The following GLB1L2 variants were observed in gnomAD, a reference collection of about 807,000 sequenced individuals.
The protein encoded by GLB1L2 is galactosidase beta 1 like 2.
In GLB1L2, 68 loss-of-function variants were observed where a neutral mutation model predicts 84.1. The observed-to-expected ratio is 0.81, with a 90% CI of 0.67 to 0.99. The LOEUF (loss-of-function observed/expected upper bound fraction) is 0.99. Among genes scored for constraint, GLB1L2 ranks in the 50% least tolerant of loss-of-function variants. The pLI is 0.00. For missense variants in GLB1L2, 762 were observed against 805.6 expected, an observed-to-expected ratio of 0.95 and a Z score of 0.66; for synonymous variants, 290 against 318.0, an observed-to-expected ratio of 0.91 and a Z score of 0.94.
chr11:134,370,099 G>C lies in GLB1L2; in HGVS notation c.1109-194G>C, dbSNP rs189686155. Among the ~76,000 whole-genome samples, 2 of 152,108 alleles carry C rather than the reference G, an allele frequency of 1.3e-5. No homozygotes were observed. Among genetic ancestry groups the C allele is most frequent in the African/African-American group, 4.8e-5 (2 of 41,432 alleles). ...ACGCTCCTTATCTCCTGTGGAGGAC[G>C]GGAGAACGCCCTGGCTTTCCCCCAG... On this transcript the variant is annotated intron_variant, in intron 11 of 18. Transcript: ENST00000535456. This position sits in a 1 kb window ranked among gnomAD's most constrained non-coding sequence, Gnocchi z 4.7.
rs369599269 is a variant in GLB1L2 at position 134,338,281 on chromosome 11, G to A, written c.87-4473G>A. On this transcript the variant is annotated intron_variant, in intron 1 of 18. Transcript: ENST00000535456. The surrounding 1 kb of genome is among the most constrained non-coding windows in gnomAD (Gnocchi z 6.2). The stretch of plus-strand genomic sequence containing the variant: ...CCCGGTTCCTGATGAGTGTTTGCAG[G>A]ATTGACGGGTGATGCAGGGATGCCC... 6.6e-6 allele frequency among the ~76,000 whole-genome samples: 1 copy of A among 152,152 alleles called. No homozygotes were observed. The highest frequency in any genetic ancestry group is 1.5e-5 in the Non-Finnish European group (1 of 68,016).
chr11:134,370,516 C>T lies in GLB1L2; in HGVS notation c.1215+117C>T, dbSNP rs1277807790. ...GGTGAGAGTCGTCGGGGCAGCAGGG[C>T]CTGGAGCCCCTCCAGACAGGGAGTG... On this transcript the variant is annotated intron_variant, in intron 12 of 18. Transcript: ENST00000535456. The surrounding 1 kb of genome is among the most constrained non-coding windows in gnomAD (Gnocchi z 4.7). The T allele has an allele frequency of 9.4e-6, 7 of 744,826 alleles. No individual in the cohort carries two copies. The highest frequency in any genetic ancestry group is 2.1e-5 in the Admixed American group (1 of 47,868). The allele number at this position is 744,826 out of a possible 1,614,324, so 46.1% of individuals were successfully genotyped here. A position where few individuals can be genotyped will look rare whatever the true frequency, so the allele number is the denominator to read the frequency against.
At chr11:134,359,278 C>CA in intron 7 of GLB1L2, 137 bp downstream of exon 7, 1 of 598,506 alleles carries the variant, frequency 1.7e-6, no homozygotes, top group South Asian at 2.4e-5. Context: ...CACTGGGCTG[C>CA]AGACACCCTT....
chr11:134,347,501 A>G (rs548653273), intron 5 of GLB1L2, 68 bp downstream of exon 5: 1 of 1,106,058 alleles, frequency 9.0e-7, no homozygotes, highest in African/African-American at 1.5e-5. Context: ...ATCCTTGGTT[A>G]GTTCTCAGAC....
chr11:134,365,816 A>G (rs4937878), intron 8 of GLB1L2, among the ~76,000 whole-genome samples: 103,677 of 152,088 alleles, frequency 0.68, 35,889 homozygotes, highest in East Asian at 0.92. Flanking sequence ...AATGCACAGC[A>G]CAGGCCTCCA....
rs759013853 is a variant in GLB1L2, at chr11:134,370,311, C to A, written c.1127C>A (p.Pro376Gln). The change falls in exon 12 of 19, where the codon CCA becomes CAA. Residue 376 changes from proline to glutamine, a missense_variant. By Grantham distance (76) the Pro-to-Gln change is moderately conservative. Around this residue, in one of 3 missense-constraint regions of GLB1L2, gnomAD observed 603 missense variants for 611.7 expected, o/e 0.99. Transcript: ENST00000535456. This position sits in a 1 kb window ranked among gnomAD's most constrained non-coding sequence, Gnocchi z 4.7. ...GTTGCAGGCATCCCTCTCCCTCCCC[C>A]ACCTGACCTTCTTCCCAAGATGCCG... is the stretch of plus-strand genomic sequence containing the variant. Reference protein sequence around the residue: ...GSISGIPLPPPPDLLPKMPYE... With the variant: ...GSISGIPLPPQPDLLPKMPYE... 14 of 1,613,872 alleles carry A rather than the reference C, an allele frequency of 8.7e-6. No individual in the cohort carries two copies. The highest frequency in any genetic ancestry group is 2.2e-5 in the East Asian group (1 of 44,838).
At chr11:134,352,015 C>A (rs1024181960) in intron 5 of GLB1L2, among the ~76,000 whole-genome samples, 8 of 152,148 alleles carry the variant, frequency 5.3e-5, no homozygotes, top group African/African-American at 1.9e-4. Context: ...TTGAGGAAGA[C>A]TGGCGTTAAT....
At chr11:134,361,207 TC>T (rs1271399190) in intron 7 of GLB1L2, 1 of 152,098 alleles carries the variant, frequency 6.6e-6, no homozygotes, top group Non-Finnish European at 1.5e-5. Flanking sequence ...GTGCCTGTAA[TC>T]CCAGCTACTT....
chr11:134,346,184 G>A (rs1943550154), intron 4 of GLB1L2, among the ~76,000 whole-genome samples: 1 of 152,208 alleles, frequency 6.6e-6, no homozygotes, highest in South Asian at 2.1e-4. Context: ...CCTTCCCTCG[G>A]GGGCATAGCT....
intron 6 of GLB1L2, among the ~76,000 whole-genome samples, chr11:134,357,924 G>T (rs1943726578): frequency 6.6e-6 from 1 of 152,210 alleles, no homozygotes; most frequent in Non-Finnish European, 1.5e-5. Context: ...GTGTGTGTAT[G>T]TGGTAGGGAC....
chr11:134,348,011 T>A (rs1465027155), intron 5 of GLB1L2, among the ~76,000 whole-genome samples: 17 of 152,256 alleles, frequency 1.1e-4, no homozygotes, highest in Admixed American at 1.1e-3. Context: ...GGAAGTACCT[T>A]AATATTTTAT....
At chr11:134,332,918 G>C (rs1471100414) in intron 1 of GLB1L2, among the ~76,000 whole-genome samples, 4 of 152,162 alleles carry the variant, frequency 2.6e-5, no homozygotes, top group Non-Finnish European at 1.5e-5. Flanking sequence ...TATCTTTCAG[G>C]TCAGCACTTT....
chr11:134,364,286 G>A (rs1251755258), intron 7 of GLB1L2, 42 bp from the exon 8 acceptor site: 2 of 1,541,750 alleles, frequency 1.3e-6, no homozygotes, highest in Non-Finnish European at 1.8e-6. Context: ...CCCTGGCTTT[G>A]AGACAGTGCT....
At chr11:134,372,068 A>C (rs554006666) in intron 15 of GLB1L2, among the ~76,000 whole-genome samples, 33 of 152,262 alleles carry the variant, frequency 2.2e-4, no homozygotes, top group Admixed American at 4.6e-4. Context: ...AACACTGTGA[A>C]CACTGAGCTG....
At chr11:134,369,713 C>A in intron 10 of GLB1L2, 92 bp from the exon 11 acceptor site, 1 of 1,086,276 alleles carries the variant, frequency 9.2e-7, no homozygotes, top group Non-Finnish European at 1.4e-6. Flanking sequence ...GAGATGAAGA[C>A]CTGTGGCCCT....
chr11:134,374,037 C>T (rs1043983643), intron 16 of GLB1L2, 108 bp from the exon 17 acceptor site: 9 of 844,686 alleles, frequency 1.1e-5, no homozygotes, highest in Admixed American at 5.8e-5. Context: ...GGTTAAGAGG[C>T]GGGGGGCCTT....
chr11:134,359,960 C>A (rs1943759796), intron 7 of GLB1L2: 1 of 152,330 alleles, frequency 6.6e-6, no homozygotes, highest in Non-Finnish European at 1.5e-5. Flanking sequence ...AATTGAACTT[C>A]TTCCTTCGTG....
chr11:134,368,677 C>T lies in GLB1L2; in HGVS notation c.923C>T (p.Ala308Val). The T allele has an allele frequency of 1.2e-6, 2 of 1,613,930 alleles. No homozygotes were observed. The highest frequency in any genetic ancestry group is 1.1e-5 in the South Asian group (1 of 91,086). Reference sequence around the variant, plus strand: ...AAAACCGTGTCTGCCATTGTGGACGCCGGCTCCTCCATCAACCTCTACATG... The same window carrying T: ...AAAACCGTGTCTGCCATTGTGGACGTCGGCTCCTCCATCAACCTCTACATG... ...VLKTVSAIVD[A>V]GSSINLYMFH... Residue 308 changes from alanine to valine, a missense_variant, in exon 10 of 19, where the codon GCC becomes GTC. By Grantham distance (64) the Ala-to-Val change is moderately conservative. This residue lies in a region of GLB1L2 where 603 missense variants were observed against 611.7 expected (regional missense o/e 0.99). Transcript: ENST00000535456.
rs1488680144 is a variant in GLB1L2 at position 134,338,349 on chromosome 11, CAAG to C, written c.87-4404_87-4402del. Among the ~76,000 whole-genome samples the C allele has an allele frequency of 6.6e-6, 1 of 152,184 alleles. No individual in the cohort carries two copies. Among genetic ancestry groups the C allele is most frequent in the Non-Finnish European group, 1.5e-5 (1 of 68,018 alleles). On this transcript the variant is annotated intron_variant, in intron 1 of 18. Coordinates refer to ENST00000535456, the MANE Select transcript of GLB1L2 (RefSeq NM_001370461.1). This position sits in a 1 kb window ranked among gnomAD's most constrained non-coding sequence, Gnocchi z 6.2. ...CATTTCAAGCCTGGCACACTTCACT[CAAG>C]GAGATCCTTTCTGGTGGTGACAGGA...
Sources: gnomAD v4.1 joint callset for allele counts (sites outside exome capture counted in the v4.1 genomes callset) on GRCh38, gnomAD v4.1.1 for gene constraint, gnomAD v4.1.1 regional missense constraint, Gnocchi (gnomAD v3.1) non-coding constraint, MANE v1.5 for transcripts, NCBI Gene and HGNC (gene_info 2026-07-23, HGNC 2026-07-21) for gene names.